The following DLGAP1 variants were observed in gnomAD, a reference collection of about 807,000 sequenced individuals.
DLGAP1 encodes disks large-associated protein 1.
DLGAP1 carries 11 observed loss-of-function variants against 90.8 expected under a neutral mutation model. The observed-to-expected ratio is 0.12, with a 90% CI of 0.08 to 0.20. The LOEUF is 0.20. Ranked by LOEUF, DLGAP1 falls within the 10% of genes least tolerant of loss-of-function variation. DLGAP1 has a pLI of 1.00. For synonymous variants in DLGAP1, 558 were observed against 540.7 expected (o/e 1.03, Z -0.44); for missense variants, 1,050 against 1,333.8 (o/e 0.79, Z 3.31).
chr18:4,176,456 T>C (rs1385158701), intron 1 of DLGAP1, among the ~76,000 whole-genome samples: 1 of 152,214 alleles, frequency 6.6e-6, no homozygotes, highest in African/African-American at 2.4e-5. Context: ...CAACCATTCA[T>C]ATTATGTGAG....
chr18:3,750,413 A>G (rs545974242), intron 5 of DLGAP1, among the ~76,000 whole-genome samples: 1 of 152,334 alleles, frequency 6.6e-6, no homozygotes, highest in African/African-American at 2.4e-5. Context: ...TATTGTGAAC[A>G]GTGCTGCAAT....
intron 3 of DLGAP1, among the ~76,000 whole-genome samples, chr18:3,946,857 G>A (rs2072887104): frequency 6.6e-6 from 1 of 152,122 alleles, no homozygotes; most frequent in African/African-American, 2.4e-5. Flanking sequence ...CTGATAAATT[G>A]CATTCATCTC....
intron 1 of DLGAP1, among the ~76,000 whole-genome samples, chr18:4,216,481 T>C (rs887883965): frequency 7.9e-5 from 12 of 152,274 alleles, no homozygotes; most frequent in African/African-American, 2.9e-4. Context: ...ATTTTGAATG[T>C]TTAGAAAAAT....
At chr18:3,702,232 T>C (rs1185762138) in intron 7 of DLGAP1, among the ~76,000 whole-genome samples, 1 of 152,130 alleles carries the variant, frequency 6.6e-6, no homozygotes, top group Non-Finnish European at 1.5e-5. Flanking sequence ...TTTCACCATG[T>C]TGGCTAGGTT....
intron 3 of DLGAP1, among the ~76,000 whole-genome samples, chr18:3,909,266 G>T (rs1253245341): frequency 6.6e-6 from 1 of 152,126 alleles, no homozygotes; most frequent in Non-Finnish European, 1.5e-5. Flanking sequence ...GATTGCTTAG[G>T]GTCATGGCCT....
At chr18:4,301,979 T>C (rs78878532) in intron 1 of DLGAP1, among the ~76,000 whole-genome samples, 2 of 152,340 alleles carry the variant, frequency 1.3e-5, no homozygotes, top group Admixed American at 1.3e-4. Context: ...TACTTTTTAA[T>C]CAGGTCATTT....
At chr18:4,193,659 G>C (rs991160134) in intron 1 of DLGAP1, among the ~76,000 whole-genome samples, 3 of 152,162 alleles carry the variant, frequency 2.0e-5, no homozygotes, top group African/African-American at 7.2e-5. Context: ...ATTTTTTATG[G>C]TATTTGGAGA....
chr18:4,261,032 G>C (rs577845518), intron 1 of DLGAP1, among the ~76,000 whole-genome samples: 1 of 152,144 alleles, frequency 6.6e-6, no homozygotes. Context: ...GGACAAACAC[G>C]AATCTTTTCA....
At chr18:3,902,262 CT>C (rs1188640071) in intron 3 of DLGAP1, among the ~76,000 whole-genome samples, 4 of 152,172 alleles carry the variant, frequency 2.6e-5, no homozygotes, top group African/African-American at 7.2e-5. Context: ...TTTCCTTGTT[CT>C]TTTTTTAAGG....
intron 9 of DLGAP1, among the ~76,000 whole-genome samples, chr18:3,558,749 A>G (rs1007181905): frequency 1.3e-5 from 2 of 152,118 alleles, no homozygotes; most frequent in Non-Finnish European, 2.9e-5. Context: ...TTCAATCTAT[A>G]TCTGTCTTTA....
intron 1 of DLGAP1, among the ~76,000 whole-genome samples, chr18:4,250,990 C>A (rs780415351): frequency 6.6e-6 from 1 of 151,860 alleles, no homozygotes; most frequent in Non-Finnish European, 1.5e-5. Context: ...TGAAAGAGAT[C>A]ACAAAAACAC....
At chr18:3,639,863 T>C (rs2058868573) in intron 7 of DLGAP1, among the ~76,000 whole-genome samples, 1 of 139,998 alleles carries the variant, frequency 7.1e-6, no homozygotes, top group Non-Finnish European at 1.5e-5. Flanking sequence ...CACGCCATTC[T>C]CCTGCCTCAG....
At position 3,565,172 on chromosome 18, in the gene DLGAP1, CAG is replaced by C. The variant is rs2054356982; in HGVS notation, c.2057+2316_2057+2317del. On this transcript the variant is annotated intron_variant, in intron 9 of 12. Transcript: ENST00000315677. This position sits in a 1 kb window ranked among gnomAD's most constrained non-coding sequence, Gnocchi z 4.0. ...ATATATTTTCTTTTTCTTTTTAAGA[CAG>C]AGTCTGCTCTGCCACCCAGGCTGGA... Among the ~76,000 whole-genome samples, 3 of 152,060 alleles carry C rather than the reference CAG, an allele frequency of 2.0e-5. No individual in the cohort carries two copies. The highest frequency in any genetic ancestry group is 2.4e-5 in the African/African-American group (1 of 41,406).
At chr18:4,076,968 T>G (rs910925880) in intron 2 of DLGAP1, among the ~76,000 whole-genome samples, 2 of 152,150 alleles carry the variant, frequency 1.3e-5, no homozygotes, top group Non-Finnish European at 2.9e-5. Flanking sequence ...TGTTAAGTAC[T>G]TGTTGGCTCA....
chr18:4,163,497 C>A (rs1028170883), intron 1 of DLGAP1, among the ~76,000 whole-genome samples: 2 of 152,188 alleles, frequency 1.3e-5, no homozygotes, highest in Non-Finnish European at 2.9e-5. Flanking sequence ...CCAAATAATG[C>A]AGTTTATTGT....
In DLGAP1 at chr18:3,565,867, A is replaced by AC. The variant is rs1212716152; in HGVS notation, c.2057+1622_2057+1623insG. Among the ~76,000 whole-genome samples the AC allele has an allele frequency of 1.3e-5, 2 of 152,006 alleles. No homozygotes were observed. The highest frequency in any genetic ancestry group is 4.1e-4 in the South Asian group (2 of 4,822). ...CCACACACAAAAAACAAACAAACAAAAAAAAATGATTACTAAAACTTTTCA... is the reference window on the plus strand; with the variant it reads ...CCACACACAAAAAACAAACAAACAAACAAAAAATGATTACTAAAACTTTTCA... On this transcript the variant is annotated intron_variant, in intron 9 of 12. Coordinates refer to ENST00000315677, the MANE Select transcript of DLGAP1 (RefSeq NM_004746.4). The surrounding 1 kb of genome is among the most constrained non-coding windows in gnomAD (Gnocchi z 4.0).
Position 3,567,506 on chromosome 18 carries a change from C to G in DLGAP1, c.2041G>C (p.Val681Leu). The change falls in exon 9 of 13, where the codon GTA (valine) becomes CTA (leucine). Residue 681 changes from valine (V) to leucine (L), a missense_variant. Physicochemically the swap from Val to Leu is conservative, Grantham distance 32. This residue lies in a region of DLGAP1 where 565 missense variants were observed against 879.7 expected (regional missense o/e 0.64). Transcript: ENST00000315677. ...TGGACTTACCACTTCTCTTCTTCTA[C>G]TTGCACTCCCACGGACTGGAACTTA... ...PSKFQSVGVQ[V>L]EEEKCFRRFT... 1 of 1,613,994 alleles carries G rather than the reference C, an allele frequency of 6.2e-7. No individual in the cohort carries two copies. Among genetic ancestry groups the G allele is most frequent in the South Asian group, 1.1e-5 (1 of 91,054 alleles).
chr18:4,098,798 T>G (rs566599399), intron 2 of DLGAP1, among the ~76,000 whole-genome samples: 1 of 152,304 alleles, frequency 6.6e-6, no homozygotes, highest in South Asian at 2.1e-4. Context: ...TGCATGGTAC[T>G]TTACACTTTA....
chr18:3,719,289 AG>A (rs1263842166), intron 7 of DLGAP1, among the ~76,000 whole-genome samples: 1 of 152,006 alleles, frequency 6.6e-6, no homozygotes. Context: ...CTATTTGGCC[AG>A]GTGCGGTGGC....
Sources: gnomAD v4.1 joint callset for allele counts (sites outside exome capture counted in the v4.1 genomes callset) on GRCh38, gnomAD v4.1.1 for gene constraint, gnomAD v4.1.1 regional missense constraint, Gnocchi (gnomAD v3.1) non-coding constraint, MANE v1.5 for transcripts, NCBI Gene and HGNC (gene_info 2026-07-23, HGNC 2026-07-21) for gene names.